DNAH7: variants seen among roughly 807,000 people sequenced by gnomAD.
DNAH7 encodes the protein axonemal beta dynein heavy chain 7.
DNAH7 carries 397 observed loss-of-function variants against 444.6 expected under a neutral mutation model. That is an observed-to-expected ratio of 0.89 (90% CI 0.82 to 0.97). The LOEUF is 0.97. Ranked by LOEUF, DNAH7 falls within the 50% of genes least tolerant of loss-of-function variation. The pLI, the probability that DNAH7 is intolerant of heterozygous loss-of-function variation, is 0.00. For synonymous variants in DNAH7, 1,636 were observed against 1,624.4 expected (o/e 1.01, Z -0.17); for missense variants, 4,902 against 4,800.8 (o/e 1.02, Z -0.62).
At position 195,858,657 on chromosome 2, in the gene DNAH7, TATC is replaced by T. The variant is rs747379609; in HGVS notation, c.7881_7883del (p.Met2627del). 14 of 1,613,962 alleles carry T rather than the reference TATC, an allele frequency of 8.7e-6. No individual in the cohort carries two copies. In the African/African-American group the frequency reaches 1.2e-4, roughly 14 times the overall value. ...CTTCTACAGACTCTTTCTCAATCAT[TATC>T]ATCATTTCATCAACCTCTTTGCTAG... is the stretch of plus-strand genomic sequence containing the variant. On this transcript the variant is annotated inframe_deletion, in exon 43 of 65. Transcript: ENST00000312428.
chr2:195,835,573 C>T lies in DNAH7; in HGVS notation c.8946-1213G>A, dbSNP rs143902580. On this transcript the variant is annotated intron_variant, in intron 47 of 64. Coordinates refer to ENST00000312428, the MANE Select transcript of DNAH7 (RefSeq NM_018897.3). ...TAAAACATGTAGCTTAGGCCGGGTG[C>T]GGTAGCTCATGCCTGTAATCCCAGC... Among the ~76,000 whole-genome samples the T allele has an allele frequency of 1.6e-4, 24 of 152,150 alleles. 1 individual carries two copies. Among genetic ancestry groups the T allele is most frequent in the African/African-American group, 5.3e-4 (22 of 41,512 alleles).
chr2:195,976,747 C>CAGAGAGAGCGAGAG, intron 15 of DNAH7, among the ~76,000 whole-genome samples: 1 of 90,542 alleles, frequency 1.1e-5, no homozygotes, highest in South Asian at 5.5e-4. Context: ...GAGAGGCAGA[C>CAGAGAGAGCGAGAG]AGAGAGAGAG....
intron 5 of DNAH7, among the ~76,000 whole-genome samples, chr2:196,037,008 C>A (rs1575075458): frequency 6.6e-6 from 1 of 152,140 alleles, no homozygotes; most frequent in Admixed American, 6.5e-5. Flanking sequence ...CAAATCCCTG[C>A]CAGTGCCCCC....
At chr2:196,019,064 G>A (rs916933868) in intron 9 of DNAH7, 106 bp downstream of exon 9, 71 of 1,143,772 alleles carry the variant, frequency 6.2e-5, no homozygotes, top group Non-Finnish European at 7.8e-5. Flanking sequence ...ACATTAAAAT[G>A]GTAATGTTTT....
At chr2:196,012,749 A>T in intron 10 of DNAH7, 38 bp downstream of exon 10, 1 of 1,592,684 alleles carries the variant, frequency 6.3e-7, no homozygotes, top group South Asian at 1.1e-5. Context: ...TCATATTTTT[A>T]AACTTATGCT....
chr2:195,897,596 C>T (rs561980986), intron 29 of DNAH7, 71 bp downstream of exon 29: 2 of 862,798 alleles, frequency 2.3e-6, no homozygotes, highest in South Asian at 3.5e-5. Flanking sequence ...GTGGGAGCTT[C>T]ACAACCTTAG....
At chr2:195,819,876 T>G (rs771188643) in intron 49 of DNAH7, among the ~76,000 whole-genome samples, 5 of 152,220 alleles carry the variant, frequency 3.3e-5, no homozygotes, top group African/African-American at 4.8e-5. Flanking sequence ...GTCTGGGTCT[T>G]ATGTCCAGAG....
At chr2:195,820,088 C>T (rs1482533529) in intron 49 of DNAH7, among the ~76,000 whole-genome samples, 1 of 152,204 alleles carries the variant, frequency 6.6e-6, no homozygotes, top group Non-Finnish European at 1.5e-5. Context: ...CCAAGGAGCA[C>T]TCTTCGTCTA....
At chr2:195,782,147 A>C (rs1272044446) in intron 58 of DNAH7, among the ~76,000 whole-genome samples, 1 of 152,166 alleles carries the variant, frequency 6.6e-6, no homozygotes, top group Non-Finnish European at 1.5e-5. Context: ...ATCCAACAGA[A>C]ATTATATATG....
rs1372570270 is a variant in DNAH7, at chr2:195,843,823, G to A, written c.8945+1179C>T. Among the ~76,000 whole-genome samples the A allele has an allele frequency of 5.9e-5, 9 of 152,258 alleles. No homozygotes were observed. The South Asian group carries it at 1.2e-3, about 21-fold the overall frequency. On this transcript the variant is annotated intron_variant, in intron 47 of 64. Transcript: ENST00000312428. ...CATAAATACTATGTAGAGGCCAGGC[G>A]CAGTGGTTTAGGCCTGTAATCCCAG...
intron 19 of DNAH7, among the ~76,000 whole-genome samples, chr2:195,951,985 G>T (rs1167766832): frequency 6.6e-6 from 1 of 152,080 alleles, no homozygotes; most frequent in Admixed American, 6.6e-5. Context: ...GATGCTAGCT[G>T]GTTATTTGGC....
intron 19 of DNAH7, among the ~76,000 whole-genome samples, chr2:195,950,897 A>G (rs1192140328): frequency 5.7e-5 from 8 of 140,968 alleles, no homozygotes; most frequent in Middle Eastern, 3.9e-3. Context: ...CCTGGATTCA[A>G]TGATTTTTTT....
chr2:195,792,638 T>C (rs747969951), intron 57 of DNAH7, among the ~76,000 whole-genome samples: 1 of 152,098 alleles, frequency 6.6e-6, no homozygotes, highest in African/African-American at 2.4e-5. Flanking sequence ...AAATGATAGA[T>C]TAAATAACAG....
chr2:195,743,749 G>T (rs1208180073), intron 63 of DNAH7, among the ~76,000 whole-genome samples: 1 of 152,204 alleles, frequency 6.6e-6, no homozygotes, highest in East Asian at 1.9e-4. Flanking sequence ...AAAAAGCTAG[G>T]ATGACAAAAA....
chr2:195,972,120 A>G (rs1425433960), intron 16 of DNAH7, 122 bp downstream of exon 16: 3 of 728,808 alleles, frequency 4.1e-6, no homozygotes, highest in Non-Finnish European at 6.6e-6. Context: ...GTGAGATTAT[A>G]GCATTATAGT....
intron 60 of DNAH7, 114 bp from the exon 61 acceptor site, chr2:195,772,004 C>A: frequency 1.2e-6 from 1 of 859,234 alleles, no homozygotes; most frequent in Non-Finnish European, 1.9e-6. Flanking sequence ...TCTATTTTAT[C>A]CATGATCCAT....
chr2:195,969,844 T>A, intron 17 of DNAH7, 104 bp downstream of exon 17: 1 of 1,135,472 alleles, frequency 8.8e-7, no homozygotes, highest in Non-Finnish European at 1.2e-6. Flanking sequence ...TTAAATGTGG[T>A]TACTGTTTTA....
At chr2:196,041,352 A>G (rs1313649070) in intron 5 of DNAH7, among the ~76,000 whole-genome samples, 1 of 152,194 alleles carries the variant, frequency 6.6e-6, no homozygotes, top group Non-Finnish European at 1.5e-5. Flanking sequence ...TAATGCTGAT[A>G]TAAAAACAGA....
chr2:196,014,000 A>T (rs1050253160), intron 9 of DNAH7, among the ~76,000 whole-genome samples: 1 of 152,200 alleles, frequency 6.6e-6, no homozygotes, highest in African/African-American at 2.4e-5. Context: ...TTCGTATTCG[A>T]TTTGAAACAG....
Sources: allele counts gnomAD v4.1 joint callset (sites outside exome capture counted in the v4.1 genomes callset), GRCh38; gene constraint gnomAD v4.1.1; transcripts MANE v1.5; gene names NCBI Gene and HGNC (gene_info 2026-07-23, HGNC 2026-07-21).